The following PIWIL1 variants were observed in gnomAD, a reference collection of about 807,000 sequenced individuals.
PIWIL1 encodes piwi-like protein 1.
A neutral mutation model predicts 114.4 loss-of-function variants in PIWIL1; 73 were observed. The ratio of observed to expected loss-of-function variants is 0.64; its 90% confidence interval spans 0.53 to 0.78. The LOEUF (loss-of-function observed/expected upper bound fraction) is 0.78. Ranked by LOEUF, PIWIL1 falls within the 30% of genes least tolerant of loss-of-function variation. The pLI, the probability that PIWIL1 is intolerant of heterozygous loss-of-function variation, is 0.00. For missense variants in PIWIL1, 723 were observed against 1,063.1 expected, an observed-to-expected ratio of 0.68 and a Z score of 4.45; for synonymous variants, 375 against 369.0, an observed-to-expected ratio of 1.02 and a Z score of -0.19.
At chr12:130,357,167 A>G in intron 13 of PIWIL1, 62 bp downstream of exon 13, 1 of 1,303,998 alleles carries the variant, frequency 7.7e-7, no homozygotes, top group Non-Finnish European at 1.1e-6. Context: ...AGGGGTGGGA[A>G]CTATTAAACA....
the PIWIL1 span, among the ~76,000 whole-genome samples, chr12:130,422,868 T>C: frequency 3.7e-4 from 56 of 152,256 alleles, no homozygotes; most frequent in African/African-American, 1.3e-3. This position sits in a 1 kb window ranked among gnomAD's most constrained non-coding sequence, Gnocchi z 5.2. Context: ...AGACAATGGC[T>C]TGAATACATC....
At chr12:130,390,859 C>T in the PIWIL1 span, among the ~76,000 whole-genome samples, 8 of 152,278 alleles carry the variant, frequency 5.3e-5, no homozygotes, top group East Asian at 1.5e-3. Context: ...CTGGCTTGGC[C>T]TGGTCGTTGT....
At chr12:130,340,444 G>GC (rs2072877070) in intron 1 of PIWIL1, among the ~76,000 whole-genome samples, 1 of 151,996 alleles carries the variant, frequency 6.6e-6, no homozygotes, top group Non-Finnish European at 1.5e-5. Flanking sequence ...CTCATAAGGA[G>GC]CAGGCAGCCC....
At chr12:130,341,169 C>T (rs2072909631) in intron 1 of PIWIL1, among the ~76,000 whole-genome samples, 1 of 152,212 alleles carries the variant, frequency 6.6e-6, no homozygotes, top group African/African-American at 2.4e-5. Context: ...TCCAAGCTGT[C>T]TGCAGGACCC....
rs1376235937 is a variant in PIWIL1, at chr12:130,353,682, T to TGCTTGGGAGGCTCTAATCCTGC, written c.1045-855_1045-854insGCTTGGGAGGCTCTAATCCTGC. On this transcript the variant is annotated intron_variant, in intron 9 of 20. Coordinates refer to ENST00000245255, the MANE Select transcript of PIWIL1 (RefSeq NM_004764.5). ...TGACTCACGCCTCTAATCCTAGCAC[T>TGCTTGGGAGGCTCTAATCCTGC]TTGGGAGGCTAAGGCAGGCAGATCA... Among the ~76,000 whole-genome samples, 5 of 152,198 alleles carry TGCTTGGGAGGCTCTAATCCTGC rather than the reference T, an allele frequency of 3.3e-5. No individual in the cohort carries two copies. The East Asian group carries it at 9.7e-4, about 29-fold the overall frequency.
intron 9 of PIWIL1, chr12:130,351,019 T>G (rs545236759): frequency 2.0e-5 from 3 of 152,286 alleles, no homozygotes; most frequent in African/African-American, 7.2e-5. Context: ...ATGTCTTTCC[T>G]CCCACTGTTT....
the PIWIL1 span, chr12:130,398,518 T>C: frequency 6.5e-6 from 1 of 152,688 alleles, no homozygotes; most frequent in Admixed American, 6.5e-5. Flanking sequence ...AACTTAGTAT[T>C]GCATTGGTAT....
chr12:130,407,642 C>T, the PIWIL1 span: 3 of 1,044,946 alleles, frequency 2.9e-6, no homozygotes, highest in Admixed American at 3.4e-5. Flanking sequence ...AGGAGGTGAA[C>T]ACACGTGGCC....
intron 19 of PIWIL1, among the ~76,000 whole-genome samples, chr12:130,369,600 T>C (rs1236089924): frequency 6.6e-5 from 10 of 152,202 alleles, no homozygotes. Flanking sequence ...TGGTGTGAGA[T>C]GGTATTTCAT....
chr12:130,364,600 C>T (rs2073604417), intron 18 of PIWIL1, among the ~76,000 whole-genome samples: 1 of 152,160 alleles, frequency 6.6e-6, no homozygotes, highest in African/African-American at 2.4e-5. Context: ...AGTTAATGTT[C>T]TTTCCTATTC....
intron 16 of PIWIL1, among the ~76,000 whole-genome samples, chr12:130,362,294 G>C (rs1320225100): frequency 6.6e-6 from 1 of 152,118 alleles, no homozygotes; most frequent in Non-Finnish European, 1.5e-5. Flanking sequence ...TCATCATTTA[G>C]CTGCCGCTTA....
chr12:130,398,475 T>C, the PIWIL1 span: 1 of 152,676 alleles, frequency 6.5e-6, no homozygotes, highest in African/African-American at 2.4e-5. Flanking sequence ...ATCTATTCCA[T>C]CTAATGTGAT....
chr12:130,348,629 G>A lies in PIWIL1; in HGVS notation c.734+446G>A, dbSNP rs758941468. Among the ~76,000 whole-genome samples the A allele has an allele frequency of 1.4e-4, 22 of 152,286 alleles. 1 individual carries two copies. Among genetic ancestry groups the A allele is most frequent in the African/African-American group, 4.3e-4 (18 of 41,554 alleles). ...TGAAATAAGAAATAAAAGGCCGGGC[G>A]TGGTGGCTCATGCCTGTAGTCCCAG... On this transcript the variant is annotated intron_variant, in intron 7 of 20. Transcript: ENST00000245255.
intron 3 of PIWIL1, chr12:130,345,227 G>C (rs117512141): frequency 6.5e-6 from 1 of 152,930 alleles, no homozygotes; most frequent in African/African-American, 2.4e-5. Flanking sequence ...AATATGTGCA[G>C]GTGCAGAAAT....
rs777223774 is a variant in PIWIL1 at position 130,346,986 on chromosome 12, A to G, written c.577A>G (p.Ile193Val). 6.2e-6 allele frequency: 10 copies of G among 1,613,832 alleles called. No individual in the cohort carries two copies. Among genetic ancestry groups the G allele is most frequent in the Admixed American group, 3.3e-5 (2 of 59,990 alleles). Residue 193 changes from isoleucine (I) to valine (V), a missense_variant, in exon 6 of 21, where the codon ATA becomes GTA. Physicochemically the swap from Ile to Val is conservative, Grantham distance 29. Coordinates refer to ENST00000245255, the MANE Select transcript of PIWIL1 (RefSeq NM_004764.5). ...SKTRNGEDVR[I>V]TITLTNELPP... is the part of the protein sequence containing the mutation. ...GACCCGGAATGGAGAGGATGTGAGG[A>G]TAACGATCACTTTAACAAATGAACT...
intron 1 of PIWIL1, among the ~76,000 whole-genome samples, chr12:130,339,916 A>T (rs2136116708): frequency 6.6e-6 from 1 of 152,230 alleles, no homozygotes; most frequent in East Asian, 1.9e-4. Flanking sequence ...CCTGCTGGAG[A>T]TGAGAGTTCA....
At position 130,349,281 on chromosome 12, in the gene PIWIL1, T is replaced by C. The variant is rs1472277520; in HGVS notation, c.777T>C (p.Tyr259=). ...WPGFTTSILQ[Y]ENSIMLCTDV... ...GCTTCACTACTTCCATCCTTCAGTA[T>C]GAAAACAGCATCATGCTCTGCACTG... is the stretch of plus-strand genomic sequence containing the variant. Residue 259 remains tyrosine (Y), a synonymous_variant, in exon 8 of 21, where the codon TAT becomes TAC. Transcript: ENST00000245255. The C allele has an allele frequency of 1.2e-5, 19 of 1,614,030 alleles. No homozygotes were observed. The highest frequency in any genetic ancestry group is 3.3e-5 in the Admixed American group (2 of 60,028).
At chr12:130,347,877 G>A (rs1178234116) in intron 6 of PIWIL1, among the ~76,000 whole-genome samples, 2 of 151,522 alleles carry the variant, frequency 1.3e-5, no homozygotes, top group African/African-American at 4.8e-5. Flanking sequence ...GCTGAAGTCT[G>A]AATTTCAGAT....
the PIWIL1 span, among the ~76,000 whole-genome samples, chr12:130,395,692 G>A: frequency 3.3e-5 from 5 of 152,252 alleles, no homozygotes; most frequent in Admixed American, 1.3e-4. Flanking sequence ...TCATCTTGCC[G>A]TAAGTGTGTT....
Sources: gnomAD v4.1 joint callset for allele counts (sites outside exome capture counted in the v4.1 genomes callset) on GRCh38, gnomAD v4.1.1 for gene constraint, Gnocchi (gnomAD v3.1) non-coding constraint, MANE v1.5 for transcripts, NCBI Gene and HGNC (gene_info 2026-07-23, HGNC 2026-07-21) for gene names.